FAM163A: variants seen among roughly 807,000 people sequenced by gnomAD.
FAM163A encodes protein FAM163A.
A neutral mutation model predicts 12.0 loss-of-function variants in FAM163A; 7 were observed. The observed-to-expected ratio is 0.58, with a 90% confidence interval of 0.33 to 1.10. The LOEUF (loss-of-function observed/expected upper bound fraction) is 1.10. Ranked by LOEUF, FAM163A falls within the 50% of genes least tolerant of loss-of-function variation. FAM163A has a pLI of 0.03. For synonymous variants in FAM163A, 101 were observed against 91.0 expected, an observed-to-expected ratio of 1.11 and a Z score of -0.62; for missense variants, 202 against 218.6, an observed-to-expected ratio of 0.92 and a Z score of 0.48.
At chr1:179,813,320 A>T in intron 4 of FAM163A, 130 bp downstream of exon 4, 2 of 915,980 alleles carry the variant, frequency 2.2e-6, no homozygotes, top group Non-Finnish European at 3.4e-6. Context: ...AGCAGGCGTA[A>T]GTCAAGGAGG....
chr1:179,790,917 G>T (rs1310798988), intron 1 of FAM163A, among the ~76,000 whole-genome samples: 1 of 152,146 alleles, frequency 6.6e-6, no homozygotes, highest in Non-Finnish European at 1.5e-5. Flanking sequence ...AGGGATGATG[G>T]ATAGGCAGCC....
At chr1:179,791,062 T>A (rs192488747) in intron 1 of FAM163A, among the ~76,000 whole-genome samples, 1 of 152,188 alleles carries the variant, frequency 6.6e-6, no homozygotes, top group African/African-American at 2.4e-5. Flanking sequence ...AAAGCTCCCC[T>A]GAAGCCCAGC....
In FAM163A at chr1:179,813,134, C is replaced by T; in HGVS notation, c.37C>T (p.Leu13=). 1.3e-6 allele frequency: 2 copies of T among 1,551,924 alleles called. No individual in the cohort carries two copies. Among genetic ancestry groups the T allele is most frequent in the Non-Finnish European group, 1.7e-6 (2 of 1,147,062 alleles). The change falls in exon 4 of 5, where the codon CTA becomes TTA. Residue 13 remains leucine, a synonymous_variant. Transcript: ENST00000341785. ...AGTVVITGGI[L]ATVILLCIIA... The stretch of plus-strand genomic sequence containing the variant: ...AACGGTTGTGATCACTGGCGGAATC[C>T]TAGCTACGGTGATCCTCCTCTGCAT...
chr1:179,782,180 T>C (rs79853147), intron 1 of FAM163A, among the ~76,000 whole-genome samples: 4,031 of 152,166 alleles, frequency 0.026, 138 homozygotes, highest in African/African-American at 0.075. Flanking sequence ...ACCAGGCCTC[T>C]GTGCGCATGG....
chr1:179,737,556 C>T, the FAM163A span, among the ~76,000 whole-genome samples: 1 of 152,202 alleles, frequency 6.6e-6, no homozygotes, highest in Admixed American at 6.5e-5. Context: ...CAAAAAGCAG[C>T]TGGGCGCGGT....
At chr1:179,743,077 T>C (rs1001855023), upstream of FAM163A, 5 of 152,338 alleles carry the variant, frequency 3.3e-5, no homozygotes, top group Non-Finnish European at 5.9e-5. Flanking sequence ...CGCGTTTACA[T>C]TTCTTAGGCA....
intron 1 of FAM163A, chr1:179,803,849 G>GA (rs1693541278): frequency 6.6e-6 from 1 of 152,234 alleles, no homozygotes; most frequent in South Asian, 2.1e-4. Flanking sequence ...TTACAGGCAT[G>GA]AGCCACCGCA....
At chr1:179,794,511 C>T (rs151146266) in intron 1 of FAM163A, among the ~76,000 whole-genome samples, 80 of 152,258 alleles carry the variant, frequency 5.3e-4, no homozygotes, top group African/African-American at 1.9e-3. Context: ...CTGTGGCATG[C>T]GGTGGATAGA....
At chr1:179,792,491 G>A (rs1360882227) in intron 1 of FAM163A, among the ~76,000 whole-genome samples, 1 of 152,096 alleles carries the variant, frequency 6.6e-6, no homozygotes, top group African/African-American at 2.4e-5. Flanking sequence ...AGTGACGAGG[G>A]ATGTAATTAG....
intron 1 of FAM163A, among the ~76,000 whole-genome samples, chr1:179,778,601 T>G (rs1256779962): frequency 2.6e-5 from 4 of 152,208 alleles, no homozygotes; most frequent in African/African-American, 9.6e-5. Context: ...CTGGATTTCC[T>G]CACAAGCAGT....
At chr1:179,784,311 G>T (rs1690283926) in intron 1 of FAM163A, among the ~76,000 whole-genome samples, 1 of 152,246 alleles carries the variant, frequency 6.6e-6, no homozygotes, top group African/African-American at 2.4e-5. Context: ...GAGGAGGTAA[G>T]AGTGTAAGAT....
chr1:179,751,765 G>C (rs1327265269), intron 1 of FAM163A, among the ~76,000 whole-genome samples: 2 of 152,102 alleles, frequency 1.3e-5, no homozygotes, highest in African/African-American at 2.4e-5. Context: ...AAAACTGAAA[G>C]CTTTTCCTCT....
At chr1:179,780,509 G>A (rs1014469594) in intron 1 of FAM163A, among the ~76,000 whole-genome samples, 1 of 152,220 alleles carries the variant, frequency 6.6e-6, no homozygotes, top group Non-Finnish European at 1.5e-5. Context: ...GTGACCATTA[G>A]TCAATATGCC....
chr1:179,782,779 C>A (rs1689975483), intron 1 of FAM163A, among the ~76,000 whole-genome samples: 2 of 152,208 alleles, frequency 1.3e-5, no homozygotes, highest in South Asian at 2.1e-4. Context: ...CCTAGAGAAG[C>A]TGAGAAAACT....
intron 1 of FAM163A, among the ~76,000 whole-genome samples, chr1:179,791,898 C>T (rs1691558682): frequency 6.6e-6 from 1 of 152,168 alleles, no homozygotes; most frequent in Non-Finnish European, 1.5e-5. Context: ...GCTCATTCGT[C>T]TCTGCAGTTT....
chr1:179,739,458 A>G (rs1312321046), upstream of FAM163A, among the ~76,000 whole-genome samples: 2 of 152,250 alleles, frequency 1.3e-5, no homozygotes, highest in African/African-American at 4.8e-5. Context: ...ACTGGCCACA[A>G]GCCTCCCAGG....
At chr1:179,793,940 T>G (rs1691895800) in intron 1 of FAM163A, among the ~76,000 whole-genome samples, 1 of 152,208 alleles carries the variant, frequency 6.6e-6, no homozygotes, top group South Asian at 2.1e-4. Context: ...TGCTGTCCCC[T>G]TAAAGTCTCA....
upstream of FAM163A, among the ~76,000 whole-genome samples, chr1:179,741,647 A>C (rs1464237743): frequency 2.0e-5 from 3 of 152,258 alleles, no homozygotes; most frequent in African/African-American, 7.2e-5. Context: ...GACTCTTACA[A>C]CCAAATGGAA....
In FAM163A at chr1:179,813,872, A is replaced by C; in HGVS notation, c.187A>C (p.Asn63His). 1 of 1,613,976 alleles carries C rather than the reference A, an allele frequency of 6.2e-7. No homozygotes were observed. The highest frequency in any genetic ancestry group is 8.5e-7 in the Non-Finnish European group (1 of 1,180,016). The change falls in exon 5 of 5, where the codon AAT becomes CAT. Residue 63 changes from asparagine to histidine, a missense_variant. Physicochemically the swap from Asn to His is moderately conservative, Grantham distance 68. Coordinates refer to ENST00000341785, the MANE Select transcript of FAM163A (RefSeq NM_173509.3). Reference protein sequence around the residue: ...LPTHPRGPTCNACSSQALDGR... With the variant: ...LPTHPRGPTCHACSSQALDGR... ...CACGCATCCCAGAGGCCCCACCTGC[A>C]ATGCCTGCAGCTCCCAAGCCCTGGA...
Sources: allele counts gnomAD v4.1 joint callset (sites outside exome capture counted in the v4.1 genomes callset), GRCh38; gene constraint gnomAD v4.1.1; transcripts MANE v1.5; gene names NCBI Gene and HGNC (gene_info 2026-07-23, HGNC 2026-07-21).